The following PRRG1 variants were observed in gnomAD, a reference collection of about 807,000 sequenced individuals.
The protein encoded by PRRG1 is transmembrane gamma-carboxyglutamic acid protein 1.
In PRRG1, 5 loss-of-function variants were observed where a neutral mutation model predicts 11.8. The ratio of observed to expected loss-of-function variants is 0.42; its 90% CI spans 0.22 to 0.89. The LOEUF is 0.89. Among genes scored for constraint, PRRG1 ranks in the 40% least tolerant of loss-of-function variants. The pLI is 0.28. For missense variants in PRRG1, 155 were observed against 166.1 expected (o/e 0.93, Z 0.37); for synonymous variants, 66 against 60.4 (o/e 1.09, Z -0.43).
intron 1 of PRRG1, among the ~76,000 whole-genome samples, chrX:37,356,751 G>GT (rs1294017660): frequency 1.8e-5 from 2 of 111,144 alleles, no homozygotes; most frequent in African/African-American, 3.3e-5. Flanking sequence ...AAAAACTTTA[G>GT]TTTTTTAGAG....
At chrX:37,443,300 C>T (rs1556394401) in intron 3 of PRRG1, among the ~76,000 whole-genome samples, 2 of 111,506 alleles carry the variant, frequency 1.8e-5, no homozygotes, top group African/African-American at 6.5e-5. Context: ...AGGACATTTG[C>T]AGTGGGGACA....
chrX:37,449,557 A>G (rs5917626), intron 3 of PRRG1, among the ~76,000 whole-genome samples: 18,195 of 111,623 alleles, frequency 0.16, 1,862 homozygotes, highest in African/African-American at 0.38. Flanking sequence ...AGCTCACAGG[A>G]TGAAACGTCT....
chrX:37,392,317 C>G (rs1425612800), intron 1 of PRRG1, among the ~76,000 whole-genome samples: 1 of 109,822 alleles, frequency 9.1e-6, no homozygotes, highest in Non-Finnish European at 1.9e-5. Context: ...AATATTTATT[C>G]TCTAGCTTTT....
chrX:37,375,529 G>C (rs1213027474), intron 1 of PRRG1, among the ~76,000 whole-genome samples: 1 of 111,610 alleles, frequency 9.0e-6, no homozygotes, highest in Non-Finnish European at 1.9e-5. Context: ...TATTTACCTA[G>C]CGTTTATATT....
chrX:37,360,583 C>G (rs1556367331), intron 1 of PRRG1, among the ~76,000 whole-genome samples: 1 of 112,118 alleles, frequency 8.9e-6, no homozygotes, highest in African/African-American at 3.2e-5. Context: ...TATGATCTGT[C>G]TTGGTGCATA....
At chrX:37,372,265 C>T (rs1317781570) in intron 1 of PRRG1, among the ~76,000 whole-genome samples, 1 of 111,746 alleles carries the variant, frequency 8.9e-6, no homozygotes, top group Non-Finnish European at 1.9e-5. Context: ...GTTTGTATGT[C>T]TTTGAGAAAT....
At chrX:37,405,406 C>T (rs1355920879) in intron 1 of PRRG1, among the ~76,000 whole-genome samples, 2 of 111,760 alleles carry the variant, frequency 1.8e-5, no homozygotes, top group African/African-American at 6.5e-5. Context: ...TAGTTTATGT[C>T]TTATAGCTTT....
intron 1 of PRRG1, among the ~76,000 whole-genome samples, chrX:37,384,681 A>T (rs781805949): frequency 1.3e-4 from 14 of 111,960 alleles, no homozygotes; most frequent in African/African-American, 4.5e-4. Flanking sequence ...ACTTCACAAA[A>T]GATATTCAAA....
At chrX:37,362,040 T>G (rs1461155271) in intron 1 of PRRG1, among the ~76,000 whole-genome samples, 1 of 112,221 alleles carries the variant, frequency 8.9e-6, no homozygotes, top group African/African-American at 3.2e-5. Flanking sequence ...TCCTGTGTAA[T>G]TTTATCCTGC....
intron 1 of PRRG1, among the ~76,000 whole-genome samples, chrX:37,360,128 T>C (rs1930368937): frequency 8.9e-6 from 1 of 111,940 alleles, no homozygotes; most frequent in African/African-American, 3.2e-5. Flanking sequence ...CCCTATTGAT[T>C]TTCTGTTTTC....
chrX:37,415,460 A>G (rs192456940), intron 2 of PRRG1, among the ~76,000 whole-genome samples: 212 of 112,197 alleles, frequency 1.9e-3, no homozygotes, highest in Non-Finnish European at 3.5e-3. Flanking sequence ...TTAACAGTCC[A>G]CTTTGGAAAC....
At chrX:37,439,793 CTTTT>C (rs36010783) in intron 3 of PRRG1, among the ~76,000 whole-genome samples, 1 of 74,012 alleles carries the variant, frequency 1.4e-5, no homozygotes. Context: ...CTTTAAAATT[CTTTT>C]TTTTTTTTTT....
Position 37,456,454 on chromosome X carries a change from A to G in PRRG1, c.*2833A>G, listed in dbSNP as rs782383379. On this transcript the variant is annotated 3_prime_UTR_variant, in exon 4 of 4. Transcript: ENST00000378628. ...AAAAGCCAAATGCTTAAACTGATCA[A>G]TGACTGTAGCTTTTTAGACTGTTGG... The G allele has an allele frequency of 1.8e-5, 2 of 112,719 alleles. No homozygotes were observed. The highest frequency in any genetic ancestry group is 3.8e-5 in the Non-Finnish European group (2 of 53,320). 9.3% of individuals were successfully genotyped at this position (112,719 alleles called of 1,213,427 possible). A position where few individuals can be genotyped will look rare whatever the true frequency, so the allele number is the denominator to read the frequency against.
At chrX:37,442,665 AC>A (rs1933006689) in intron 3 of PRRG1, among the ~76,000 whole-genome samples, 1 of 111,163 alleles carries the variant, frequency 9.0e-6, no homozygotes, top group Non-Finnish European at 1.9e-5. Context: ...TTTCATGAAC[AC>A]TTTTTTTTAA....
At chrX:37,432,884 T>G (rs1036365684) in intron 3 of PRRG1, among the ~76,000 whole-genome samples, 1 of 111,721 alleles carries the variant, frequency 9.0e-6, no homozygotes, top group Non-Finnish European at 1.9e-5. Context: ...CCCCCAAATA[T>G]CTACACTTAC....
chrX:37,422,954 A>T (rs903230620), intron 2 of PRRG1, among the ~76,000 whole-genome samples: 8 of 111,292 alleles, frequency 7.2e-5, no homozygotes, highest in African/African-American at 2.6e-4. Flanking sequence ...TATGAAAAAA[A>T]ATTAACTATA....
At chrX:37,372,978 T>A (rs896805735) in intron 1 of PRRG1, among the ~76,000 whole-genome samples, 6 of 112,350 alleles carry the variant, frequency 5.3e-5, no homozygotes, top group African/African-American at 1.9e-4. Flanking sequence ...TTGTATATAG[T>A]GTGAGATAAT....
chrX:37,424,084 C>G (rs1324942918), intron 2 of PRRG1, among the ~76,000 whole-genome samples: 1 of 111,162 alleles, frequency 9.0e-6, no homozygotes, highest in Non-Finnish European at 1.9e-5. Context: ...CCTGTTTGCA[C>G]AATGATGAAA....
At chrX:37,444,822 A>G (rs1352903112) in intron 3 of PRRG1, among the ~76,000 whole-genome samples, 1 of 111,649 alleles carries the variant, frequency 9.0e-6, no homozygotes, top group Non-Finnish European at 1.9e-5. Context: ...ACACAGGCTC[A>G]AGACTAGAGA....
Sources: gnomAD v4.1 joint callset for allele counts (sites outside exome capture counted in the v4.1 genomes callset) on GRCh38, gnomAD v4.1.1 for gene constraint, MANE v1.5 for transcripts, NCBI Gene and HGNC (gene_info 2026-07-23, HGNC 2026-07-21) for gene names.